The following SF3B2 variants were observed in gnomAD, a reference collection of about 807,000 sequenced individuals.
SF3B2 encodes SAP 145.
Under a neutral mutation model 116.3 loss-of-function variants are expected in SF3B2, and 22 were observed. The observed-to-expected ratio is 0.19, with a 90% CI of 0.14 to 0.27. The LOEUF (loss-of-function observed/expected upper bound fraction) is 0.27. Ranked by LOEUF, SF3B2 falls within the 10% of genes least tolerant of loss-of-function variation. SF3B2 has a pLI of 1.00. For missense variants in SF3B2, 767 were observed against 1,151.4 expected (o/e 0.67, Z 4.83); for synonymous variants, 406 against 421.6 (o/e 0.96, Z 0.45).
At chr11:66,052,850 G>C in intron 2 of SF3B2, 131 bp downstream of exon 2, 1 of 1,282,106 alleles carries the variant, frequency 7.8e-7, no homozygotes, top group Non-Finnish European at 1.1e-6. Flanking sequence ...TTTTTAGCTT[G>C]TTCTTGCCTT....
chr11:66,058,963 T>A lies in SF3B2; in HGVS notation c.1100T>A (p.Val367Asp), dbSNP rs1379857444. The A allele has an allele frequency of 6.2e-7, 1 of 1,613,730 alleles. No individual in the cohort carries two copies. The highest frequency in any genetic ancestry group is 8.5e-7 in the Non-Finnish European group (1 of 1,179,958). ...SRGSDSPAAD[V>D]EIEYVTEEPE... ...GGCTCTGATTCCCCAGCAGCTGATG[T>A]TGAGATTGAGTATGTGACTGAAGAA... The change falls in exon 10 of 22, where the codon GTT becomes GAT. Residue 367 changes from valine to aspartate, a missense_variant. Transcript: ENST00000322535.
intron 19 of SF3B2, 37 bp from the exon 20 acceptor site, chr11:66,067,909 C>G: frequency 6.4e-7 from 1 of 1,572,072 alleles, no homozygotes; most frequent in Non-Finnish European, 8.7e-7. Flanking sequence ...CCCTTTTGTC[C>G]CTTGCTTTTT....
intron 19 of SF3B2, 42 bp from the exon 20 acceptor site, chr11:66,067,904 T>C (rs1223557082): frequency 6.4e-7 from 1 of 1,556,108 alleles, no homozygotes; most frequent in South Asian, 1.1e-5. Context: ...GGAGACCCTT[T>C]TGTCCCTTGC....
chr11:66,058,555 C>T (rs1857043625), intron 9 of SF3B2, 150 bp downstream of exon 9: 1 of 664,842 alleles, frequency 1.5e-6, no homozygotes. Flanking sequence ...CATTTAATTG[C>T]TTTGAGTTCC....
intron 9 of SF3B2, 193 bp downstream of exon 9, chr11:66,058,598 A>T: frequency 1.6e-6 from 1 of 629,732 alleles, no homozygotes. Flanking sequence ...TTACAGCTGA[A>T]AAAGCAGAGG....
chr11:66,055,273 G>T lies in SF3B2; in HGVS notation c.456G>T (p.Gln152His). 1.9e-6 allele frequency: 3 copies of T among 1,613,778 alleles called. No individual in the cohort carries two copies. The highest frequency in any genetic ancestry group is 2.5e-6 in the Non-Finnish European group (3 of 1,179,934). The part of the protein sequence containing the change: ...SEEERLKLAQ[Q>H]QAALLMQQEE... ...AGGAGCGGCTGAAGTTGGCTCAGCA[G>T]CAGGCGGCATTGCTGATGCAGCAGG... is the stretch of plus-strand genomic sequence containing the variant. The change falls in exon 4 of 22, where the codon CAG becomes CAT. Residue 152 changes from glutamine (Q) to histidine (H), a missense_variant. Gln to His is a conservative substitution (Grantham distance 24, BLOSUM62 0). This residue lies in a region of SF3B2 where 455 missense variants were observed against 537.5 expected (regional missense o/e 0.85). Transcript: ENST00000322535.
At chr11:66,067,909 C>A in intron 19 of SF3B2, 37 bp from the exon 20 acceptor site, 1 of 1,572,070 alleles carries the variant, frequency 6.4e-7, no homozygotes, top group South Asian at 1.1e-5. Flanking sequence ...CCCTTTTGTC[C>A]CTTGCTTTTT....
Position 66,067,754 on chromosome 11 carries a change from C to T in SF3B2, c.2331-192C>T, listed in dbSNP as rs1291580966. ...GGCCCCTTAGCTCCATCTGTGTTCC[C>T]TGGAGTCAGCACTGTGCCACCCCCC... On this transcript the variant is annotated intron_variant, in intron 19 of 21. Transcript: ENST00000322535. The T allele has an allele frequency of 5.2e-6, 3 of 577,890 alleles. No homozygotes were observed. The African/African-American group carries it at 5.6e-5, about 11-fold the overall frequency. 35.8% of individuals were successfully genotyped at this position (577,890 alleles called of 1,614,324 possible). A position where few individuals can be genotyped will look rare whatever the true frequency, so the allele number is the denominator to read the frequency against.
Position 66,060,568 on chromosome 11 carries a change from G to C in SF3B2, c.1630-14G>C. On this transcript the variant is annotated splice_polypyrimidine_tract_variant and intron_variant, in intron 13 of 21. Coordinates refer to ENST00000322535, the MANE Select transcript of SF3B2 (RefSeq NM_006842.3). Reference sequence around the variant, plus strand: ...GAGTACTTGTTAAGGCTTGTTTGCTGCCATTCTCCACAGGAAGAACAGAAG... The same window carrying C: ...GAGTACTTGTTAAGGCTTGTTTGCTCCCATTCTCCACAGGAAGAACAGAAG... The C allele has an allele frequency of 6.2e-7, 1 of 1,614,046 alleles. No individual in the cohort carries two copies. The highest frequency in any genetic ancestry group is 8.5e-7 in the Non-Finnish European group (1 of 1,179,914).
At position 66,058,834 on chromosome 11, in the gene SF3B2, A is replaced by G. The variant is rs1183529236; in HGVS notation, c.971A>G (p.Asn324Ser). The change falls in exon 10 of 22, where the codon AAC becomes AGC. Residue 324 changes from asparagine to serine, a missense_variant. Around this residue, in one of 4 missense-constraint regions of SF3B2, gnomAD observed 455 missense variants for 537.5 expected, o/e 0.85. Transcript: ENST00000322535. ...TGGTTTTCCTCCTCTTGACAGAAAA[A>G]CCGGAAGCGTAGGAACCGAAAGAAG... is the stretch of plus-strand genomic sequence containing the variant. Reference protein sequence around the residue: ...DTVSVSKKEKNRKRRNRKKKK... With the variant: ...DTVSVSKKEKSRKRRNRKKKK... 3.1e-6 allele frequency: 5 copies of G among 1,608,378 alleles called. No homozygotes were observed. Among genetic ancestry groups the G allele is most frequent in the Non-Finnish European group, 4.2e-6 (5 of 1,178,198 alleles).
At chr11:66,063,211 G>A in intron 17 of SF3B2, 95 bp downstream of exon 17, 1 of 1,080,240 alleles carries the variant, frequency 9.3e-7, no homozygotes, top group Non-Finnish European at 1.4e-6. Context: ...TGTGTGTTCT[G>A]ACACAGCAGA....
At chr11:66,056,181 C>T (rs554820860) in intron 5 of SF3B2, among the ~76,000 whole-genome samples, 5 of 152,022 alleles carry the variant, frequency 3.3e-5, no homozygotes, top group East Asian at 1.9e-4. Flanking sequence ...GTGGGTGGAT[C>T]GCTTGAGCTC....
Position 66,068,005 on chromosome 11 carries a change from G to A in SF3B2, c.2390G>A (p.Gly797Glu). Reference sequence around the variant, plus strand: ...GAGAAGAGAACAGCCACTGTTGGAGGGGCCATGATGGGATCAACCCACATT... The same window carrying A: ...GAGAAGAGAACAGCCACTGTTGGAGAGGCCATGATGGGATCAACCCACATT... ...LPEKRTATVG[G>E]AMMGSTHIYD... is the part of the protein sequence containing the mutation. The change falls in exon 20 of 22, where the codon GGG becomes GAG. Residue 797 changes from glycine (G) to glutamate (E), a missense_variant. Gly to Glu is a moderately conservative substitution (Grantham distance 98). This residue lies in a region of SF3B2 where 282 missense variants were observed against 568.0 expected (regional missense o/e 0.50). Transcript: ENST00000322535. 6.2e-7 allele frequency: 1 copy of A among 1,614,190 alleles called. No individual in the cohort carries two copies. Among genetic ancestry groups the A allele is most frequent in the Non-Finnish European group, 8.5e-7 (1 of 1,180,042 alleles).
At chr11:66,057,946 T>G (rs1590711315) in intron 7 of SF3B2, 108 bp from the exon 8 acceptor site, 1 of 825,558 alleles carries the variant, frequency 1.2e-6, no homozygotes, top group Non-Finnish European at 1.8e-6. Context: ...CACTCCAGCC[T>G]GGGCAACAAG....
rs72932689 is a variant in SF3B2, at chr11:66,061,986, G to A, written c.1965G>A (p.Ser655=). The change falls in exon 16 of 22, where the codon TCG becomes TCA. Residue 655 remains serine, a synonymous_variant. Coordinates refer to ENST00000322535, the MANE Select transcript of SF3B2 (RefSeq NM_006842.3). ...ACCTGAAAATCCCTGGGCTGAACTC[G>A]CCCATCCCTGAGGTGAGCATTGTCC... is the stretch of plus-strand genomic sequence containing the variant. ...YPNLKIPGLN[S]PIPESCSFGY... 7,307 of 1,611,774 alleles carry A rather than the reference G, an allele frequency of 4.5e-3. 36 individuals carry two copies. Among genetic ancestry groups the A allele is most frequent in the Middle Eastern group, 5.6e-3 (34 of 6,056 alleles).
intron 7 of SF3B2, 116 bp from the exon 8 acceptor site, chr11:66,057,938 C>T: frequency 1.3e-6 from 1 of 785,120 alleles, no homozygotes; most frequent in Non-Finnish European, 2.0e-6. Context: ...CGCCATTGCA[C>T]TCCAGCCTGG....
At chr11:66,060,474 G>T in intron 13 of SF3B2, 108 bp from the exon 14 acceptor site, 1 of 1,307,876 alleles carries the variant, frequency 7.6e-7, no homozygotes, top group East Asian at 2.4e-5. Context: ...TGACTTTCAG[G>T]GTGAGATAAT....
intron 19 of SF3B2, chr11:66,067,437 T>C (rs1357008661): frequency 2.2e-6 from 1 of 456,242 alleles, no homozygotes; most frequent in Admixed American, 2.3e-5. Flanking sequence ...GTGGAGATGA[T>C]GGGCATAGTC....
intron 16 of SF3B2, among the ~76,000 whole-genome samples, chr11:66,062,490 A>C (rs1375466291): frequency 6.6e-6 from 1 of 151,918 alleles, no homozygotes; most frequent in Non-Finnish European, 1.5e-5. Context: ...AAAAAAAAAA[A>C]AGAAAAAAGA....
Sources: gnomAD v4.1 joint callset for allele counts (sites outside exome capture counted in the v4.1 genomes callset) on GRCh38, gnomAD v4.1.1 for gene constraint, gnomAD v4.1.1 regional missense constraint, MANE v1.5 for transcripts, NCBI Gene and HGNC (gene_info 2026-07-23, HGNC 2026-07-21) for gene names.